Variants in NDUFB5 observed in about 807,000 individuals in gnomAD.
NDUFB5 encodes the protein NADH:ubiquinone oxidoreductase subunit B5, also known as NADH dehydrogenase [ubiquinone] 1 beta subcomplex subunit 5, mitochondrial.
A neutral mutation model predicts 19.4 loss-of-function variants in NDUFB5; 19 were observed. The ratio of observed to expected loss-of-function variants is 0.98; its 90% CI spans 0.68 to 1.43. The LOEUF (loss-of-function observed/expected upper bound fraction) is 1.43. NDUFB5 is among the 40% of genes most tolerant of loss of function. NDUFB5 has a pLI of 0.00. For synonymous variants in NDUFB5, 80 were observed against 82.6 expected (o/e 0.97, Z 0.17); for missense variants, 233 against 236.5 (o/e 0.99, Z 0.10).
intron 5 of NDUFB5, 100 bp from the exon 6 acceptor site, chr3:179,623,820 C>T (rs1576886820): frequency 6.9e-7 from 1 of 1,447,174 alleles, no homozygotes; most frequent in Non-Finnish European, 9.7e-7. Context: ...TTATACTTTA[C>T]ATAAAAGCAG....
intron 5 of NDUFB5, among the ~76,000 whole-genome samples, chr3:179,621,828 C>T (rs930651269): frequency 2.6e-5 from 4 of 151,986 alleles, no homozygotes; most frequent in African/African-American, 9.7e-5. Flanking sequence ...TAATTACTTT[C>T]TATGTATTTA....
chr3:179,618,912 G>A (rs1167350049), intron 5 of NDUFB5, among the ~76,000 whole-genome samples: 2 of 152,130 alleles, frequency 1.3e-5, no homozygotes, highest in East Asian at 3.8e-4. Flanking sequence ...ACTATAAACT[G>A]GTGACAAGGA....
chr3:179,613,251 A>G (rs1719293883), intron 1 of NDUFB5, among the ~76,000 whole-genome samples: 1 of 152,106 alleles, frequency 6.6e-6, no homozygotes, highest in African/African-American at 2.4e-5. Flanking sequence ...GTAATTAATC[A>G]GTACCTTTTG....
intron 1 of NDUFB5, among the ~76,000 whole-genome samples, chr3:179,612,399 C>G (rs1719266193): frequency 1.3e-5 from 2 of 148,862 alleles, no homozygotes; most frequent in South Asian, 4.2e-4. Context: ...CCTTTAATGA[C>G]ATGACTAATT....
chr3:179,618,946 A>G lies in NDUFB5; in HGVS notation c.449+425A>G, dbSNP rs569379542. Among the ~76,000 whole-genome samples, 10 of 152,276 alleles carry G rather than the reference A, an allele frequency of 6.6e-5. No individual in the cohort carries two copies. The South Asian group carries it at 1.2e-3, about 19-fold the overall frequency. On this transcript the variant is annotated intron_variant, in intron 5 of 5. Transcript: ENST00000259037. ...GAGACTATTAGGAGATATGTGTCAG[A>G]TTAAAGAGTTCTTTTTTAAATTTTT...
intron 1 of NDUFB5, among the ~76,000 whole-genome samples, chr3:179,605,602 G>A (rs1447043388): frequency 1.3e-5 from 2 of 150,974 alleles, no homozygotes; most frequent in Non-Finnish European, 3.0e-5. Flanking sequence ...TAGTTTTAGG[G>A]GTCTACGAAA....
chr3:179,623,773 C>G, intron 5 of NDUFB5, 147 bp from the exon 6 acceptor site: 2 of 970,036 alleles, frequency 2.1e-6, no homozygotes, highest in Non-Finnish European at 3.1e-6. Context: ...TAGATATATA[C>G]CAGATGTATG....
chr3:179,617,135 GT>G (rs1344227017), intron 4 of NDUFB5, 91 bp downstream of exon 4: 4 of 1,039,248 alleles, frequency 3.8e-6, no homozygotes, highest in Non-Finnish European at 5.6e-6. Flanking sequence ...ATATAGTCAG[GT>G]TTTTTGTTTT....
At chr3:179,623,828 C>A in intron 5 of NDUFB5, 92 bp from the exon 6 acceptor site, 1 of 1,477,114 alleles carries the variant, frequency 6.8e-7, no homozygotes, top group Non-Finnish European at 9.4e-7. Flanking sequence ...TACATAAAAG[C>A]AGACTCCAGT....
rs1215751240 is a variant in NDUFB5, at chr3:179,625,583, ATAT to A, written c.*1550_*1552del. On this transcript the variant is annotated 3_prime_UTR_variant, in exon 6 of 6. Transcript: ENST00000259037. ...TAGCAAGTTAGAAGTATATATAAGT[ATAT>A]TATTATATGTTATTGTTAACTATAA... The A allele has an allele frequency of 2.6e-5, 4 of 152,146 alleles. No homozygotes were observed. The highest frequency in any genetic ancestry group is 6.5e-5 in the Admixed American group (1 of 15,270). 9.4% of individuals were successfully genotyped at this position (152,146 alleles called of 1,614,324 possible). A position where few individuals can be genotyped will look rare whatever the true frequency, so the allele number is the denominator to read the frequency against.
chr3:179,604,873 G>C lies in NDUFB5; in HGVS notation c.58G>C (p.Gly20Arg). 1 of 1,594,550 alleles carries C rather than the reference G, an allele frequency of 6.3e-7. No homozygotes were observed. Among genetic ancestry groups the C allele is most frequent in the East Asian group, 2.2e-5 (1 of 44,798 alleles). The change falls in exon 1 of 6, where the codon GGC (glycine) becomes CGC (arginine). Residue 20 changes from glycine (G) to arginine (R), a missense_variant. Coordinates refer to ENST00000259037, the MANE Select transcript of NDUFB5 (RefSeq NM_002492.4). ...GGTTACTGCGGTGGCAGCTCTGTCT[G>C]GCCGGCCCCTTGGCACTCGCCTCGG... ...VSVTAVAALS[G>R]RPLGTRLGFG...
At chr3:179,606,093 A>G (rs984277216) in intron 1 of NDUFB5, among the ~76,000 whole-genome samples, 50 of 152,290 alleles carry the variant, frequency 3.3e-4, no homozygotes, top group African/African-American at 1.1e-3. Flanking sequence ...CACCTGACCA[A>G]TACAGTCTTA....
chr3:179,606,266 C>G (rs1271224023), intron 1 of NDUFB5, among the ~76,000 whole-genome samples: 1 of 152,198 alleles, frequency 6.6e-6, no homozygotes, highest in Non-Finnish European at 1.5e-5. Flanking sequence ...GAAACTGACT[C>G]AATTATTAAA....
At chr3:179,617,709 A>G (rs984152566) in intron 4 of NDUFB5, among the ~76,000 whole-genome samples, 5 of 152,134 alleles carry the variant, frequency 3.3e-5, no homozygotes, top group African/African-American at 1.2e-4. Context: ...GTGTTTTACA[A>G]ATATTTATTA....
chr3:179,621,328 G>GAGATTACA, intron 5 of NDUFB5, among the ~76,000 whole-genome samples: 1 of 151,948 alleles, frequency 6.6e-6, no homozygotes, highest in Non-Finnish European at 1.5e-5. Flanking sequence ...TCCACCCTCT[G>GAGATTACA]GGCCTCCCAA....
At chr3:179,607,864 G>A (rs1173807840) in intron 1 of NDUFB5, 3 of 693,950 alleles carry the variant, frequency 4.3e-6, no homozygotes, top group African/African-American at 1.8e-5. Flanking sequence ...TATCCCCAAG[G>A]CATATTTATG....
At chr3:179,623,690 CA>C (rs1719592631) in intron 5 of NDUFB5, among the ~76,000 whole-genome samples, 1 of 152,022 alleles carries the variant, frequency 6.6e-6, no homozygotes, top group South Asian at 2.1e-4. Flanking sequence ...ACAAAAACAA[CA>C]AAAAAACTGT....
At chr3:179,621,021 A>G (rs1719520294) in intron 5 of NDUFB5, among the ~76,000 whole-genome samples, 1 of 151,964 alleles carries the variant, frequency 6.6e-6, no homozygotes, top group African/African-American at 2.4e-5. Context: ...TCAATTTTAT[A>G]TTTCTTTGTA....
intron 5 of NDUFB5, among the ~76,000 whole-genome samples, chr3:179,619,383 A>G (rs1719469367): frequency 6.7e-6 from 1 of 149,008 alleles, no homozygotes; most frequent in South Asian, 2.1e-4. Flanking sequence ...CCAGTGTGTG[A>G]TGTTCCCCTT....
Sources: allele counts gnomAD v4.1 joint callset (sites outside exome capture counted in the v4.1 genomes callset), GRCh38; gene constraint gnomAD v4.1.1; transcripts MANE v1.5; gene names NCBI Gene and HGNC (gene_info 2026-07-23, HGNC 2026-07-21).